The following MYO3B variants were observed in gnomAD, a reference collection of about 807,000 sequenced individuals.
The protein encoded by MYO3B is myosin-IIIb.
Under a neutral mutation model 174.6 loss-of-function variants are expected in MYO3B, and 156 were observed. The ratio of observed to expected loss-of-function variants is 0.89; its 90% confidence interval spans 0.78 to 1.02. The LOEUF is 1.02. Ranked by LOEUF, MYO3B falls within the 50% of genes least tolerant of loss-of-function variation. The pLI is 0.00. For synonymous variants in MYO3B, 563 were observed against 569.1 expected, an observed-to-expected ratio of 0.99 and a Z score of 0.15; for missense variants, 1,632 against 1,639.4, an observed-to-expected ratio of 1.00 and a Z score of 0.08.
intron 7 of MYO3B, among the ~76,000 whole-genome samples, chr2:170,321,401 TTAAC>T (rs1372917969): frequency 1.3e-5 from 2 of 152,132 alleles, no homozygotes; most frequent in African/African-American, 2.4e-5. Context: ...AGATCGTTTA[TTAAC>T]TAACCTAATC....
intron 22 of MYO3B, among the ~76,000 whole-genome samples, chr2:170,434,238 A>C (rs1216511010): frequency 6.6e-6 from 1 of 152,162 alleles, no homozygotes; most frequent in African/African-American, 2.4e-5. Context: ...TGCCCAGGCT[A>C]GAGTACAGTG....
chr2:170,430,914 G>A (rs2094703302), intron 22 of MYO3B, among the ~76,000 whole-genome samples: 1 of 152,088 alleles, frequency 6.6e-6, no homozygotes, highest in Non-Finnish European at 1.5e-5. Flanking sequence ...TTAAAGCCAT[G>A]TTGCACCTTC....
At chr2:170,284,528 T>G (rs2093539773) in intron 7 of MYO3B, among the ~76,000 whole-genome samples, 2 of 151,990 alleles carry the variant, frequency 1.3e-5, no homozygotes, top group African/African-American at 4.8e-5. Context: ...ACAAAGCATT[T>G]TGGTGAATGA....
chr2:170,564,972 C>G (rs968559436), intron 32 of MYO3B, among the ~76,000 whole-genome samples: 14 of 151,996 alleles, frequency 9.2e-5, no homozygotes, highest in African/African-American at 2.9e-4. Context: ...TTTATATTCT[C>G]TATTCTTTTG....
intron 22 of MYO3B, among the ~76,000 whole-genome samples, chr2:170,416,623 CTTTTTTTTT>C (rs80194434): frequency 0.18 from 25,677 of 139,798 alleles, 2,888 homozygotes; most frequent in East Asian, 0.55. Context: ...ATCCAAACTC[CTTTTTTTTT>C]TTTTTTTTTG....
intron 22 of MYO3B, among the ~76,000 whole-genome samples, chr2:170,434,505 G>T (rs551848975): frequency 6.6e-6 from 1 of 152,132 alleles, no homozygotes; most frequent in Non-Finnish European, 1.5e-5. Flanking sequence ...TATTGGCTAG[G>T]GTTAGACCAC....
chr2:170,622,292 C>G (rs1695990384), intron 32 of MYO3B, among the ~76,000 whole-genome samples: 2 of 152,134 alleles, frequency 1.3e-5, no homozygotes, highest in Admixed American at 6.5e-5. Context: ...TTAATCCTTT[C>G]ACAATGTGAG....
intron 28 of MYO3B, among the ~76,000 whole-genome samples, chr2:170,505,670 C>T (rs879418392): frequency 1.2e-4 from 19 of 152,180 alleles, no homozygotes; most frequent in Non-Finnish European, 2.4e-4. Context: ...TTTTCTAAAG[C>T]TCTGGCTTTA....
intron 8 of MYO3B, chr2:170,349,643 G>C (rs1357467810): frequency 6.6e-6 from 1 of 151,474 alleles, no homozygotes; most frequent in East Asian, 1.9e-4. Context: ...TACTAAAAAT[G>C]CAAAAATTAG....
intron 30 of MYO3B, among the ~76,000 whole-genome samples, chr2:170,531,391 TCCACTAGA>T (rs1689344604): frequency 2.6e-5 from 4 of 151,948 alleles, no homozygotes; most frequent in Admixed American, 2.0e-4. Context: ...GGCCCTAGAG[TCCACTAGA>T]CCTGCTACTA....
chr2:170,203,156 C>T (rs373085229), intron 3 of MYO3B, among the ~76,000 whole-genome samples: 15 of 152,114 alleles, frequency 9.9e-5, no homozygotes, highest in African/African-American at 1.4e-4. Context: ...TCTATAAGTC[C>T]GCCTTTCACC....
intron 32 of MYO3B, among the ~76,000 whole-genome samples, chr2:170,580,827 G>C (rs189080555): frequency 2.3e-4 from 34 of 150,456 alleles, no homozygotes; most frequent in African/African-American, 7.6e-4. Flanking sequence ...CACTCTGCAG[G>C]GTTTTATTTT....
At chr2:170,220,813 C>T (rs184513959) in intron 6 of MYO3B, among the ~76,000 whole-genome samples, 33 of 150,784 alleles carry the variant, frequency 2.2e-4, no homozygotes, top group Non-Finnish European at 7.4e-5. Flanking sequence ...CTTGACAGCA[C>T]GTTGCAGGAG....
At chr2:170,552,928 A>G (rs1044401171) in intron 32 of MYO3B, among the ~76,000 whole-genome samples, 1 of 152,202 alleles carries the variant, frequency 6.6e-6, no homozygotes, top group African/African-American at 2.4e-5. Context: ...AAAGGGGCCA[A>G]GGTACTGCTC....
chr2:170,604,257 T>C (rs1446251317), intron 32 of MYO3B, among the ~76,000 whole-genome samples: 3 of 152,068 alleles, frequency 2.0e-5, no homozygotes, highest in African/African-American at 7.2e-5. Context: ...CATTTGAGGG[T>C]TTTGTTTTTA....
chr2:170,381,806 G>A (rs184737248), intron 9 of MYO3B, among the ~76,000 whole-genome samples: 1 of 152,330 alleles, frequency 6.6e-6, no homozygotes, highest in East Asian at 1.9e-4. Context: ...CACTCTGGCA[G>A]GAAGTAGACT....
At chr2:170,311,669 GA>G (rs2093740348) in intron 7 of MYO3B, among the ~76,000 whole-genome samples, 1 of 151,726 alleles carries the variant, frequency 6.6e-6, no homozygotes, top group South Asian at 2.1e-4. Context: ...TCATACCTAA[GA>G]ATCCATTGCC....
At chr2:170,355,643 A>G (rs17579090) in intron 8 of MYO3B, among the ~76,000 whole-genome samples, 11,599 of 152,206 alleles carry the variant, frequency 0.076, 599 homozygotes, top group East Asian at 0.16. Flanking sequence ...GTTGGGATTG[A>G]ATCGCTCCCT....
At chr2:170,551,349 A>ATTATTTATTTATTTAT (rs57845643) in intron 32 of MYO3B, among the ~76,000 whole-genome samples, 8 of 142,328 alleles carry the variant, frequency 5.6e-5, no homozygotes, top group Middle Eastern at 3.6e-3. Flanking sequence ...ATTTAATTTA[A>ATTATTTATTTATTTAT]TTATTTATTT....
Sources: gnomAD v4.1 joint callset for allele counts (sites outside exome capture counted in the v4.1 genomes callset) on GRCh38, gnomAD v4.1.1 for gene constraint, MANE v1.5 for transcripts, NCBI Gene and HGNC (gene_info 2026-07-23, HGNC 2026-07-21) for gene names.